Variants in PRKCA observed in about 807,000 individuals in gnomAD.
The protein encoded by PRKCA is protein kinase C alpha, also known as protein kinase C alpha type.
A neutral mutation model predicts 87.0 loss-of-function variants in PRKCA; 27 were observed. That is an observed-to-expected ratio of 0.31 (90% CI 0.23 to 0.43). PRKCA has a LOEUF of 0.43. PRKCA is among the 20% of genes least tolerant of loss of function. The pLI is 1.00. For missense variants in PRKCA, 518 were observed against 852.3 expected (o/e 0.61, Z 4.88); for synonymous variants, 329 against 311.1 (o/e 1.06, Z -0.61).
chr17:66,630,638 C>T (rs899580764), intron 3 of PRKCA, among the ~76,000 whole-genome samples: 1 of 152,232 alleles, frequency 6.6e-6, no homozygotes, highest in Admixed American at 6.5e-5. Context: ...TTCTCTGAAG[C>T]TCCTGATATA....
chr17:66,795,986 C>T (rs956288106), intron 16 of PRKCA, among the ~76,000 whole-genome samples: 5 of 152,334 alleles, frequency 3.3e-5, no homozygotes, highest in Admixed American at 3.3e-4. Context: ...AGAGAGTTTT[C>T]CCTTTCTGAG....
chr17:66,454,525 C>A (rs1312532272), intron 2 of PRKCA, among the ~76,000 whole-genome samples: 3 of 152,106 alleles, frequency 2.0e-5, no homozygotes, highest in African/African-American at 7.2e-5. Context: ...CGAAACTGGG[C>A]AATTTACAAA....
At chr17:66,454,676 A>C (rs575988116) in intron 2 of PRKCA, among the ~76,000 whole-genome samples, 1 of 152,198 alleles carries the variant, frequency 6.6e-6, no homozygotes, top group East Asian at 1.9e-4. Context: ...AAACCATCAG[A>C]TCTCATGAGA....
Position 66,558,287 on chromosome 17 carries a change from G to A in PRKCA, c.288+62004G>A, listed in dbSNP as rs968450070. ...GGCTTCTGGTCTTGTTGAAGAGACG[G>A]ACAGTCAACATGTATGCCAATAAAT... On this transcript the variant is annotated intron_variant, in intron 3 of 16. Transcript: ENST00000413366. 5.3e-5 allele frequency among the ~76,000 whole-genome samples: 8 copies of A among 152,218 alleles called. No individual in the cohort carries two copies. In the South Asian group the frequency reaches 1.7e-3, roughly 32 times the overall value.
intron 3 of PRKCA, among the ~76,000 whole-genome samples, chr17:66,497,506 A>G (rs542737344): frequency 2.5e-4 from 38 of 152,266 alleles, no homozygotes; most frequent in African/African-American, 8.9e-4. Flanking sequence ...CAAAAAAAAA[A>G]AAAGGATCCA....
intron 2 of PRKCA, among the ~76,000 whole-genome samples, chr17:66,472,469 A>G (rs1915366214): frequency 6.6e-6 from 1 of 152,156 alleles, no homozygotes; most frequent in Admixed American, 6.5e-5. Context: ...TGTGAATCCT[A>G]TTAGCATTTC....
intron 2 of PRKCA, among the ~76,000 whole-genome samples, chr17:66,409,312 T>A (rs72838216): frequency 0.044 from 6,767 of 152,240 alleles, 220 homozygotes; most frequent in Admixed American, 0.077. Flanking sequence ...GGGGGTACCA[T>A]GTCTAACTTG....
intron 2 of PRKCA, among the ~76,000 whole-genome samples, chr17:66,454,648 A>T (rs190298951): frequency 4.6e-5 from 7 of 152,326 alleles, no homozygotes; most frequent in African/African-American, 1.4e-4. Flanking sequence ...AGCCAAGCGA[A>T]ACAAGTTTCC....
rs1453752232 is a variant in PRKCA, at chr17:66,788,989, G to A, written c.1854+10G>A. On this transcript the variant is annotated intron_variant, in intron 16 of 16. Transcript: ENST00000413366. ...ATTCAAGCCCAAAGTGGTGAGTCCA[G>A]AAAAGCAGCCTGTTTTCGGAACCCC... The A allele has an allele frequency of 1.2e-6, 2 of 1,613,936 alleles. No individual in the cohort carries two copies. The highest frequency in any genetic ancestry group is 1.3e-5 in the African/African-American group (1 of 75,028).
intron 3 of PRKCA, among the ~76,000 whole-genome samples, chr17:66,575,473 G>A (rs533003046): frequency 1.3e-5 from 2 of 152,208 alleles, no homozygotes; most frequent in Admixed American, 1.3e-4. Flanking sequence ...CCAGCTACTC[G>A]GGAGGCTGAG....
intron 3 of PRKCA, among the ~76,000 whole-genome samples, chr17:66,500,370 CTG>C (rs1164594385): frequency 6.6e-6 from 1 of 152,226 alleles, no homozygotes; most frequent in Admixed American, 6.5e-5. Flanking sequence ...GGTGGCCAAA[CTG>C]TGCTGCACCA....
In PRKCA at chr17:66,774,072, T is replaced by A. The variant is rs148494121; in HGVS notation, c.1605+5T>A. ...TATGAAATGCTTGCCGGGCAGGTAA[T>A]GTTTTGCTACATTTTCATGTTTGTT... is the stretch of plus-strand genomic sequence containing the variant. On this transcript the variant is annotated splice_donor_5th_base_variant and intron_variant, in intron 14 of 16. Transcript: ENST00000413366. 3 of 1,613,942 alleles carry A rather than the reference T, an allele frequency of 1.9e-6. No individual in the cohort carries two copies. In the East Asian group the frequency reaches 6.7e-5, roughly 36 times the overall value.
At chr17:66,420,690 C>T (rs554576787) in intron 2 of PRKCA, among the ~76,000 whole-genome samples, 2 of 152,122 alleles carry the variant, frequency 1.3e-5, no homozygotes, top group East Asian at 1.9e-4. Context: ...GGTGGTTTTT[C>T]GGGATGTAAC....
At chr17:66,372,464 A>G (rs1176649602) in intron 2 of PRKCA, among the ~76,000 whole-genome samples, 2 of 152,204 alleles carry the variant, frequency 1.3e-5, no homozygotes, top group Non-Finnish European at 2.9e-5. Flanking sequence ...TACATCCACA[A>G]ACACTTTCCT....
chr17:66,538,188 A>G (rs764544929), intron 3 of PRKCA, among the ~76,000 whole-genome samples: 2 of 152,204 alleles, frequency 1.3e-5, no homozygotes, highest in South Asian at 2.1e-4. Context: ...GATGTGTCAC[A>G]GGGTAAAGAA....
intron 14 of PRKCA, among the ~76,000 whole-genome samples, chr17:66,781,040 C>G (rs551059055): frequency 3.3e-5 from 5 of 151,950 alleles, no homozygotes; most frequent in African/African-American, 9.7e-5. Flanking sequence ...ACCCAGGAGG[C>G]AGAGGCTTCA....
chr17:66,554,024 A>G (rs1968421184), intron 3 of PRKCA, among the ~76,000 whole-genome samples: 1 of 152,140 alleles, frequency 6.6e-6, no homozygotes, highest in Admixed American at 6.5e-5. Flanking sequence ...TGGGGCTGAG[A>G]AGTACAAGAC....
At chr17:66,677,067 C>G (rs554182820) in intron 5 of PRKCA, 14 of 52,188 alleles carry the variant, frequency 2.7e-4, no homozygotes, top group Admixed American at 2.6e-3. Context: ...ATCTGGCCCA[C>G]AGCTTATTTT....
intron 4 of PRKCA, among the ~76,000 whole-genome samples, chr17:66,643,666 G>C (rs1272787427): frequency 2.0e-5 from 3 of 152,086 alleles, no homozygotes; most frequent in African/African-American, 7.2e-5. Flanking sequence ...GAATCATAAG[G>C]CTTCTGTGGC....
Sources: allele counts gnomAD v4.1 joint callset (sites outside exome capture counted in the v4.1 genomes callset), GRCh38; gene constraint gnomAD v4.1.1; transcripts MANE v1.5; gene names NCBI Gene and HGNC (gene_info 2026-07-23, HGNC 2026-07-21).